The following SECISBP2L variants were observed in gnomAD, a reference collection of about 807,000 sequenced individuals.
SECISBP2L encodes SECIS binding protein 2 like, also known as selenocysteine insertion sequence-binding protein 2-like.
Under a neutral mutation model 114.7 loss-of-function variants are expected in SECISBP2L, and 43 were observed. That is an observed-to-expected ratio of 0.38 (90% CI 0.29 to 0.48). The LOEUF (loss-of-function observed/expected upper bound fraction) is 0.48. Among genes scored for constraint, SECISBP2L ranks in the 20% least tolerant of loss-of-function variants. The pLI is 0.98. For synonymous variants in SECISBP2L, 451 were observed against 439.7 expected (o/e 1.03, Z -0.32); for missense variants, 1,136 against 1,301.1 (o/e 0.87, Z 1.95).
chr15:49,029,655 T>C (rs1291922509), intron 4 of SECISBP2L, among the ~76,000 whole-genome samples: 1 of 152,214 alleles, frequency 6.6e-6, no homozygotes, highest in African/African-American at 2.4e-5. Context: ...CATATGTAAG[T>C]TTCTCTAAGG....
rs1056115331 is a variant in SECISBP2L, at chr15:49,028,463, C to T, written c.884G>A (p.Gly295Glu). The T allele has an allele frequency of 1.9e-6, 3 of 1,613,940 alleles. No homozygotes were observed. In the Admixed American group the frequency reaches 5.0e-5, roughly 27 times the overall value. Residue 295 changes from glycine (G) to glutamate (E), a missense_variant, in exon 5 of 18, where the codon GGG becomes GAG. Gly to Glu is a moderately conservative substitution (Grantham distance 98). Transcript: ENST00000559471. Reference protein sequence around the residue: ...AAGALRNPDSGTMNHVESSMC... With the variant: ...AAGALRNPDSETMNHVESSMC... The stretch of plus-strand genomic sequence containing the variant: ...GACGATGTCACATACATTCATGGTC[C>T]CAGAATCAGGATTTCTCAAAGCCCC...
chr15:48,998,885 C>A (rs1285064052), intron 16 of SECISBP2L, among the ~76,000 whole-genome samples: 1 of 152,172 alleles, frequency 6.6e-6, no homozygotes, highest in Non-Finnish European at 1.5e-5. Flanking sequence ...CTCACAATAT[C>A]ATTCAACAAA....
intron 12 of SECISBP2L, among the ~76,000 whole-genome samples, chr15:49,012,412 C>CT (rs1307964226): frequency 1.3e-5 from 2 of 151,850 alleles, no homozygotes; most frequent in East Asian, 1.9e-4. Flanking sequence ...ACATATTTAT[C>CT]TTTTTTTTAA....
rs1566849973 is a variant in SECISBP2L, at chr15:48,992,808, T to C, written c.2742A>G (p.Thr914=). The C allele has an allele frequency of 6.2e-7, 1 of 1,614,002 alleles. No homozygotes were observed. The highest frequency in any genetic ancestry group is 8.5e-7 in the Non-Finnish European group (1 of 1,180,004). The stretch of plus-strand genomic sequence containing the variant: ...ATGATGGCTGCTTACCAATTGGGGG[T>C]GTGTCAAATGGAAGTTTACTGGGTT... The part of the protein sequence containing the change: ...SEKPSKLPFD[T]PPIGKQPSLV... Residue 914 remains threonine (T), a synonymous_variant, in exon 18 of 18, where the codon ACA becomes ACG. Coordinates refer to ENST00000559471, the MANE Select transcript of SECISBP2L (RefSeq NM_001193489.2).
At chr15:49,011,649 G>A in intron 13 of SECISBP2L, 82 bp downstream of exon 13, 5 of 1,466,038 alleles carry the variant, frequency 3.4e-6, no homozygotes, top group Middle Eastern at 1.8e-4. Context: ...CCAATCAGGA[G>A]CATTAACTAG....
intron 3 of SECISBP2L, among the ~76,000 whole-genome samples, chr15:49,034,569 A>G (rs1902964771): frequency 6.6e-6 from 1 of 152,082 alleles, no homozygotes; most frequent in South Asian, 2.1e-4. Context: ...CTAAAAATTC[A>G]CAGAGTAGAA....
At chr15:49,043,555 C>T (rs1482519192) in intron 1 of SECISBP2L, among the ~76,000 whole-genome samples, 1 of 150,914 alleles carries the variant, frequency 6.6e-6, no homozygotes, top group East Asian at 1.9e-4. Flanking sequence ...AACCAGTAAG[C>T]CTTTATAAAC....
At chr15:49,021,780 A>T (rs550412033) in intron 7 of SECISBP2L, among the ~76,000 whole-genome samples, 12 of 152,268 alleles carry the variant, frequency 7.9e-5, no homozygotes, top group African/African-American at 2.9e-4. Context: ...CCCCCAAACT[A>T]ATGGTCCCAA....
intron 7 of SECISBP2L, 180 bp from the exon 8 acceptor site, chr15:49,019,732 G>C (rs189985621): frequency 1.2e-4 from 52 of 433,946 alleles, no homozygotes; most frequent in African/African-American, 7.7e-4. Flanking sequence ...AAGAAAAATA[G>C]AAAAATGAGA....
intron 14 of SECISBP2L, among the ~76,000 whole-genome samples, chr15:49,007,205 A>G (rs937788606): frequency 6.6e-6 from 1 of 152,142 alleles, no homozygotes; most frequent in Non-Finnish European, 1.5e-5. Context: ...ATGCCAGTGG[A>G]GCTGCCCTGT....
intron 9 of SECISBP2L, 127 bp from the exon 10 acceptor site, chr15:49,017,142 T>C (rs1902553254): frequency 2.2e-6 from 2 of 910,480 alleles, no homozygotes; most frequent in South Asian, 1.9e-5. Flanking sequence ...TTCAATGTCA[T>C]AAAGAACAGG....
intron 14 of SECISBP2L, among the ~76,000 whole-genome samples, chr15:49,008,077 A>AC (rs1287372548): frequency 1.3e-5 from 2 of 152,072 alleles, no homozygotes; most frequent in Non-Finnish European, 2.9e-5. Flanking sequence ...TCTCCTGTAT[A>AC]CTCTTTCCAT....
intron 7 of SECISBP2L, among the ~76,000 whole-genome samples, chr15:49,019,877 C>CAT (rs945804851): frequency 2.6e-5 from 4 of 152,252 alleles, no homozygotes; most frequent in African/African-American, 9.6e-5. Flanking sequence ...ATATCCAGAT[C>CAT]ATAGTATAGA....
chr15:49,022,169 G>A (rs555591422), intron 7 of SECISBP2L, among the ~76,000 whole-genome samples: 43 of 152,302 alleles, frequency 2.8e-4, no homozygotes, highest in Admixed American at 1.7e-3. Flanking sequence ...CCAGGCTGGA[G>A]TGCAGTGGCG....
intron 1 of SECISBP2L, among the ~76,000 whole-genome samples, chr15:49,044,827 G>A (rs549194463): frequency 6.6e-6 from 1 of 152,128 alleles, no homozygotes; most frequent in Non-Finnish European, 1.5e-5. Context: ...ATTTCCTCTA[G>A]GATGAAAGGA....
intron 4 of SECISBP2L, 75 bp from the exon 5 acceptor site, chr15:49,028,757 A>T: frequency 7.9e-7 from 1 of 1,259,160 alleles, no homozygotes; most frequent in Non-Finnish European, 1.1e-6. Flanking sequence ...CATCATTAAG[A>T]TTGTAAGAAA....
chr15:49,035,698 G>T, intron 2 of SECISBP2L, 40 bp from the exon 3 acceptor site: 1 of 1,547,452 alleles, frequency 6.5e-7, no homozygotes, highest in Non-Finnish European at 8.7e-7. Context: ...CTATTGACAA[G>T]TCTAAAAATA....
chr15:49,041,464 C>T (rs904790564), intron 1 of SECISBP2L, among the ~76,000 whole-genome samples: 37 of 152,094 alleles, frequency 2.4e-4, no homozygotes, highest in Admixed American at 2.4e-3. Flanking sequence ...CATTGAGAGC[C>T]TATATAATTC....
intron 3 of SECISBP2L, among the ~76,000 whole-genome samples, chr15:49,033,683 A>T (rs1027096867): frequency 6.6e-6 from 1 of 152,056 alleles, no homozygotes; most frequent in Non-Finnish European, 1.5e-5. Flanking sequence ...CAAAACAAAC[A>T]AACAAACAAA....
Sources: gnomAD v4.1 joint callset for allele counts (sites outside exome capture counted in the v4.1 genomes callset) on GRCh38, gnomAD v4.1.1 for gene constraint, MANE v1.5 for transcripts, NCBI Gene and HGNC (gene_info 2026-07-23, HGNC 2026-07-21) for gene names.